NOVA1: variants seen among roughly 807,000 people sequenced by gnomAD.
The protein encoded by NOVA1 is NOVA alternative splicing regulator 1, also known as RNA-binding protein Nova-1.
NOVA1 carries 7 observed loss-of-function variants against 38.0 expected under a neutral mutation model. That is an observed-to-expected ratio of 0.18 (90% CI 0.10 to 0.35). NOVA1 has a LOEUF of 0.35. Ranked by LOEUF, NOVA1 falls within the 10% of genes least tolerant of loss-of-function variation. NOVA1 has a pLI of 1.00. For synonymous variants in NOVA1, 270 were observed against 232.5 expected (o/e 1.16, Z -1.47); for missense variants, 460 against 616.0 (o/e 0.75, Z 2.68).
At chr14:26,573,275 C>T (rs1422177508) in intron 2 of NOVA1, among the ~76,000 whole-genome samples, 1 of 151,826 alleles carries the variant, frequency 6.6e-6, no homozygotes, top group East Asian at 1.9e-4. Context: ...GTTAATTAAG[C>T]AACTAATAAA....
At chr14:26,493,367 A>C (rs1026209076) in intron 2 of NOVA1, among the ~76,000 whole-genome samples, 2 of 152,192 alleles carry the variant, frequency 1.3e-5, no homozygotes, top group African/African-American at 4.8e-5. Flanking sequence ...TTACAGATCT[A>C]TGTTTCCATA....
intron 2 of NOVA1, among the ~76,000 whole-genome samples, chr14:26,490,198 A>G (rs1886230427): frequency 6.6e-6 from 1 of 152,202 alleles, no homozygotes; most frequent in South Asian, 2.1e-4. Context: ...TTCCCTTATT[A>G]CAGCGTAACA....
chr14:26,592,535 G>A (rs1308187648), intron 2 of NOVA1, among the ~76,000 whole-genome samples: 1 of 151,402 alleles, frequency 6.6e-6, no homozygotes, highest in Non-Finnish European at 1.5e-5. Context: ...TCTGATTGCA[G>A]TAATTGAAGA....
chr14:26,561,565 T>C (rs2138683812), intron 2 of NOVA1, among the ~76,000 whole-genome samples: 1 of 152,002 alleles, frequency 6.6e-6, no homozygotes, highest in African/African-American at 2.4e-5. Flanking sequence ...AATAGGTTTC[T>C]ATCTACACTA....
At chr14:26,534,041 G>C (rs1280780257) in intron 2 of NOVA1, among the ~76,000 whole-genome samples, 1 of 152,072 alleles carries the variant, frequency 6.6e-6, no homozygotes, top group African/African-American at 2.4e-5. Flanking sequence ...CTAGTCTATA[G>C]AGGAAAAATA....
intron 4 of NOVA1, among the ~76,000 whole-genome samples, chr14:26,467,394 C>A (rs933456859): frequency 1.3e-5 from 2 of 151,960 alleles, no homozygotes; most frequent in African/African-American, 2.4e-5. Context: ...GGTGGAATGG[C>A]GGAGGCAAAA....
chr14:26,561,863 A>C (rs1872627609), intron 2 of NOVA1, among the ~76,000 whole-genome samples: 1 of 152,196 alleles, frequency 6.6e-6, no homozygotes, highest in African/African-American at 2.4e-5. Context: ...TTCTGATTTT[A>C]ATCATTCCTA....
At chr14:26,576,654 C>G (rs1892864964) in intron 2 of NOVA1, among the ~76,000 whole-genome samples, 1 of 151,628 alleles carries the variant, frequency 6.6e-6, no homozygotes, top group African/African-American at 2.4e-5. Context: ...ACATTTTAAG[C>G]TAACTGTGTC....
intron 2 of NOVA1, among the ~76,000 whole-genome samples, chr14:26,563,484 A>G (rs1479471170): frequency 6.6e-6 from 1 of 152,028 alleles, no homozygotes. Flanking sequence ...TAATGAAAAA[A>G]GAGAAGGAAA....
intron 2 of NOVA1, among the ~76,000 whole-genome samples, chr14:26,542,733 CAAAAA>C (rs71121888): frequency 2.4e-5 from 3 of 125,894 alleles, no homozygotes; most frequent in Non-Finnish European, 5.2e-5. Flanking sequence ...TTTGTAATGG[CAAAAA>C]AAAAAAAAAA....
At chr14:26,483,959 G>C (rs1885662292) in intron 2 of NOVA1, among the ~76,000 whole-genome samples, 1 of 152,128 alleles carries the variant, frequency 6.6e-6, no homozygotes, top group South Asian at 2.1e-4. Flanking sequence ...ACTTCAACAT[G>C]TGAGATTATG....
intron 4 of NOVA1, among the ~76,000 whole-genome samples, chr14:26,469,909 G>A (rs1453938476): frequency 6.6e-6 from 1 of 152,074 alleles, no homozygotes; most frequent in Non-Finnish European, 1.5e-5. Flanking sequence ...ATTTTATAAG[G>A]CTTCTCATAT....
rs1389511433 is a variant in NOVA1 at position 26,444,187 on chromosome 14, T to C, written c.*3772A>G. 2 of 152,112 alleles carry C rather than the reference T, an allele frequency of 1.3e-5. No individual in the cohort carries two copies. Among genetic ancestry groups the C allele is most frequent in the Non-Finnish European group, 2.9e-5 (2 of 67,998 alleles). The allele number at this position is 152,112 out of a possible 1,614,324, so 9.4% of individuals were successfully genotyped here. ...TAGGGCCTGTAACGTAGGGATTCCA[T>C]TCATTGTTAAATTACTAAAATCTAC... On this transcript the variant is annotated 3_prime_UTR_variant, in exon 5 of 5. Transcript: ENST00000539517.
At position 26,448,130 on chromosome 14, in the gene NOVA1, A is replaced by T. The variant is rs1439241916; in HGVS notation, c.1353T>A (p.Thr451=). The change falls in exon 5 of 5, where the codon ACT becomes ACA. Residue 451 remains threonine, a synonymous_variant. Transcript: ENST00000539517. The surrounding 1 kb of genome is among the most constrained non-coding windows in gnomAD (Gnocchi z 5.3). ...TTTTGGAGATCTGTATCCTTGCACC[A>T]GTCAACTCCTGGTATTCCACTAATG... The part of the protein sequence containing the change: ...GKTLVEYQEL[T]GARIQISKKG... 1 of 1,614,212 alleles carries T rather than the reference A, an allele frequency of 6.2e-7. No homozygotes were observed. The highest frequency in any genetic ancestry group is 8.5e-7 in the Non-Finnish European group (1 of 1,180,016).
intron 2 of NOVA1, among the ~76,000 whole-genome samples, chr14:26,556,232 C>G (rs1891471946): frequency 6.6e-6 from 1 of 152,008 alleles, no homozygotes; most frequent in Admixed American, 6.6e-5. Flanking sequence ...TGACACTATC[C>G]AACTCAAAAC....
At chr14:26,483,889 C>T (rs892399135) in intron 2 of NOVA1, among the ~76,000 whole-genome samples, 6 of 152,144 alleles carry the variant, frequency 3.9e-5, no homozygotes, top group Non-Finnish European at 7.4e-5. Flanking sequence ...ACAATTTTCA[C>T]TTGAAACAAA....
intron 2 of NOVA1, among the ~76,000 whole-genome samples, chr14:26,509,686 G>A (rs182946626): frequency 6.6e-6 from 1 of 152,042 alleles, no homozygotes; most frequent in African/African-American, 2.4e-5. Context: ...CATGCATATG[G>A]GGTTTTTTCT....
intron 2 of NOVA1, among the ~76,000 whole-genome samples, chr14:26,532,722 C>T (rs970204441): frequency 6.6e-6 from 1 of 152,074 alleles, no homozygotes; most frequent in African/African-American, 2.4e-5. Context: ...ACTTTTGTAC[C>T]TTTTGAGGGC....
chr14:26,565,075 A>C (rs1378593373), intron 2 of NOVA1, among the ~76,000 whole-genome samples: 1 of 152,194 alleles, frequency 6.6e-6, no homozygotes, highest in East Asian at 1.9e-4. Flanking sequence ...GAGCTATTGA[A>C]GTCAACAGGA....
Sources: gnomAD v4.1 joint callset for allele counts (sites outside exome capture counted in the v4.1 genomes callset) on GRCh38, gnomAD v4.1.1 for gene constraint, Gnocchi (gnomAD v3.1) non-coding constraint, MANE v1.5 for transcripts, NCBI Gene and HGNC (gene_info 2026-07-23, HGNC 2026-07-21) for gene names.